Variants in BTK observed in about 807,000 individuals in gnomAD.
BTK encodes Bruton tyrosine kinase.
A neutral mutation model predicts 57.4 loss-of-function variants in BTK; 5 were observed. The ratio of observed to expected loss-of-function variants is 0.09; its 90% CI spans 0.05 to 0.18. BTK has a LOEUF of 0.18. Among genes scored for constraint, BTK ranks in the 10% least tolerant of loss-of-function variants. The pLI, the probability that BTK is intolerant of heterozygous loss-of-function variation, is 1.00. For missense variants in BTK, 194 were observed against 501.2 expected (o/e 0.39, Z 5.85); for synonymous variants, 154 against 174.3 (o/e 0.88, Z 0.92).
intron 1 of BTK, among the ~76,000 whole-genome samples, chrX:101,378,700 C>A (rs1927305442): frequency 9.0e-6 from 1 of 111,367 alleles, no homozygotes; most frequent in African/African-American, 3.3e-5. Context: ...ACAGGGCCAC[C>A]TTTTGCAGCC....
At chrX:101,366,024 C>T (rs937754806) in intron 5 of BTK, among the ~76,000 whole-genome samples, 8 of 112,390 alleles carry the variant, frequency 7.1e-5, no homozygotes, top group Middle Eastern at 4.6e-3. Context: ...CAGTGGCTCA[C>T]GCCTTGGGAG....
intron 1 of BTK, among the ~76,000 whole-genome samples, chrX:101,382,221 C>T (rs1251518912): frequency 5.4e-5 from 6 of 110,439 alleles, no homozygotes; most frequent in Non-Finnish European, 1.1e-4. Context: ...ACTCAATTTT[C>T]GAAAGCTGCA....
intron 16 of BTK, chrX:101,354,342 G>C (rs977951520): frequency 4.8e-6 from 2 of 413,661 alleles, no homozygotes; most frequent in African/African-American, 5.0e-5. Flanking sequence ...GAGGAATGGA[G>C]TAAAGTCATC....
chrX:101,360,009 TATAA>T, intron 9 of BTK, 75 bp downstream of exon 9: 1 of 253,554 alleles, frequency 3.9e-6, no homozygotes. Flanking sequence ...ATAAAATATA[TATAA>T]ATAAATAAAT....
intron 3 of BTK, chrX:101,374,260 G>A (rs1285379820): frequency 3.1e-6 from 1 of 322,871 alleles, no homozygotes; most frequent in Non-Finnish European, 5.5e-6. Context: ...AGAACTGAGG[G>A]AATAAAATCA....
Position 101,357,027 on chromosome X carries a change from A to G in BTK, c.1178-72T>C, listed in dbSNP as rs1276795970. On this transcript the variant is annotated intron_variant, in intron 13 of 18. Transcript: ENST00000308731. ...ATTCTTACAATAGACAAAAATCCCT[A>G]CTGGGGTAGAAATAGGAAAACTAGT... 4 of 1,107,998 alleles carry G rather than the reference A, an allele frequency of 3.6e-6. No homozygotes were observed. The African/African-American group carries it at 5.4e-5, about 15-fold the overall frequency. 91.3% of individuals were successfully genotyped at this position (1,107,998 alleles called of 1,213,427 possible). A position where few individuals can be genotyped will look rare whatever the true frequency, so the allele number is the denominator to read the frequency against.
chrX:101,360,740 G>C lies in BTK; in HGVS notation c.604C>G (p.Leu202Val). Residue 202 changes from leucine to valine, a missense_variant, in exon 8 of 19, where the codon CTA becomes GTA. Leu to Val is a conservative substitution (Grantham distance 32). Coordinates refer to ENST00000308731, the MANE Select transcript of BTK (RefSeq NM_000061.3). ...PEEDQILKKP[L>V]PPEPAAAPVS... ...GGTGCTGCTGCTGGCTCAGGCGGTA[G>C]TGGCTTTTTCAAGATCTATGTAGTT... The C allele has an allele frequency of 8.3e-7, 1 of 1,211,362 alleles. No homozygotes were observed. The highest frequency in any genetic ancestry group is 1.1e-6 in the Non-Finnish European group (1 of 895,263).
chrX:101,369,607 T>C (rs782215019), intron 5 of BTK, among the ~76,000 whole-genome samples: 1 of 112,070 alleles, frequency 8.9e-6, no homozygotes, highest in African/African-American at 3.2e-5. Flanking sequence ...TGCCTAAAAT[T>C]ACAAAATTGC....
At chrX:101,375,381 C>A (rs1927176826) in intron 1 of BTK, 67 bp from the exon 2 acceptor site, 11 of 1,047,849 alleles carry the variant, frequency 1.0e-5, no homozygotes, top group Non-Finnish European at 1.5e-5. Context: ...TCCCCCTCAG[C>A]CTAGCTACCT....
chrX:101,385,948 G>C (rs1555982436), intron 1 of BTK, 114 bp downstream of exon 1: 1 of 111,230 alleles, frequency 9.0e-6, no homozygotes, highest in East Asian at 2.8e-4. Flanking sequence ...CCCTCCGTCA[G>C]CCTCCTCCAC....
At chrX:101,374,721 A>G (rs1272547074) in intron 2 of BTK, 87 bp from the exon 3 acceptor site, 1 of 839,883 alleles carries the variant, frequency 1.2e-6, no homozygotes, top group African/African-American at 2.0e-5. Context: ...TAATCATTCA[A>G]CAAAGTGAGG....
At chrX:101,372,816 G>A (rs2084274279) in intron 3 of BTK, among the ~76,000 whole-genome samples, 1 of 105,288 alleles carries the variant, frequency 9.5e-6, no homozygotes, top group Non-Finnish European at 2.0e-5. Flanking sequence ...GGGCACAGTG[G>A]CTCACGCCTG....
intron 1 of BTK, among the ~76,000 whole-genome samples, chrX:101,383,184 A>T (rs1927507800): frequency 9.0e-6 from 1 of 111,538 alleles, no homozygotes; most frequent in Admixed American, 9.6e-5. Context: ...ACATTCAGTT[A>T]ATTTACCTAT....
In BTK at chrX:101,359,340, A is replaced by C. The variant is rs1555978282; in HGVS notation, c.847T>G (p.Ser283Ala). 3 of 1,211,310 alleles carry C rather than the reference A, an allele frequency of 2.5e-6. No individual in the cohort carries two copies. Residue 283 changes from serine to alanine, a missense_variant, in exon 10 of 19, where the codon TCC becomes GCC. Ser to Ala is a moderately conservative substitution (Grantham distance 99). Coordinates refer to ENST00000308731, the MANE Select transcript of BTK (RefSeq NM_000061.3). ...EDSIEMYEWY[S>A]KHMTRSQAEQ... ...GCCTGACTCCGAGTCATGTGTTTGG[A>C]ATACCACCTGTGAAGGGAGAGTGCT...
In BTK at chrX:101,360,630, A is replaced by C. The variant is rs782636762; in HGVS notation, c.714T>G (p.Gly238=). Residue 238 remains glycine, a synonymous_variant, in exon 8 of 19, where the codon GGT becomes GGG. Transcript: ENST00000308731. The part of the protein sequence containing the change: ...MNANDLQLRK[G]DEYFILEESN... ...TTTCCTCCAAGATAAAATATTCATC[A>C]CCCTTCCGCAGCTGTAGATCATTTG... The C allele has an allele frequency of 8.3e-7, 1 of 1,210,712 alleles. No individual in the cohort carries two copies. Among genetic ancestry groups the C allele is most frequent in the Admixed American group, 2.2e-5 (1 of 45,845 alleles).
intron 15 of BTK, chrX:101,355,652 C>A (rs1926449653): frequency 1.3e-5 from 2 of 158,380 alleles, no homozygotes; most frequent in African/African-American, 6.1e-5. Flanking sequence ...ATAAAAAAAA[C>A]CCACACATGT....
chrX:101,388,302 G>C (rs1927684293), upstream of BTK, among the ~76,000 whole-genome samples: 1 of 111,390 alleles, frequency 9.0e-6, no homozygotes, highest in Non-Finnish European at 1.9e-5. Flanking sequence ...CAAGGGAAAA[G>C]AGCAAGTAGA....
chrX:101,366,101 G>A (rs1369319653), intron 5 of BTK, among the ~76,000 whole-genome samples: 3 of 111,369 alleles, frequency 2.7e-5, no homozygotes, highest in African/African-American at 9.8e-5. Flanking sequence ...GTGAAATCCC[G>A]TCTCTACCAA....
At chrX:101,355,924 A>G (rs1926463403) in intron 15 of BTK, 128 bp downstream of exon 15, 1 of 711,181 alleles carries the variant, frequency 1.4e-6, no homozygotes. Context: ...CGCCTAACTT[A>G]TAGTACTTTC....
Sources: allele counts gnomAD v4.1 joint callset (sites outside exome capture counted in the v4.1 genomes callset), GRCh38; gene constraint gnomAD v4.1.1; transcripts MANE v1.5; gene names NCBI Gene and HGNC (gene_info 2026-07-23, HGNC 2026-07-21).